SLC22A23: variants seen among roughly 807,000 people sequenced by gnomAD.
The protein encoded by SLC22A23 is solute carrier family 22 member 23.
SLC22A23 carries 26 observed loss-of-function variants against 61.0 expected under a neutral mutation model. That is an observed-to-expected ratio of 0.43 (90% CI 0.31 to 0.59). The LOEUF (loss-of-function observed/expected upper bound fraction) is 0.59. Among genes scored for constraint, SLC22A23 ranks in the 20% least tolerant of loss-of-function variants. The pLI, the probability that SLC22A23 is intolerant of heterozygous loss-of-function variation, is 0.11. For synonymous variants in SLC22A23, 430 were observed against 413.9 expected (o/e 1.04, Z -0.47); for missense variants, 796 against 934.7 (o/e 0.85, Z 1.94).
intron 4 of SLC22A23, chr6:3,303,277 A>C (rs184608725): frequency 5.6e-4 from 85 of 152,350 alleles, no homozygotes; most frequent in African/African-American, 2.0e-3. Context: ...TAGTACATCA[A>C]CTATGGAGAA....
In SLC22A23 at chr6:3,273,120, C is replaced by G; in HGVS notation, c.1996G>C (p.Asp666His). ...AELKDYSGLH[D>H]AAAAGDTLPE... ...AGTGTGTCACCCGCGGCTGCGGCAT[C>G]GTGGAGGCCCGAGTAGTCCTTGAGC... Residue 666 changes from aspartate to histidine, a missense_variant, in exon 10 of 10, where the codon GAT becomes CAT. Physicochemically the swap from Asp to His is moderately conservative, Grantham distance 81. Transcript: ENST00000406686. 1 of 1,604,490 alleles carries G rather than the reference C, an allele frequency of 6.2e-7. No homozygotes were observed.
At chr6:3,295,981 A>T (rs570053120) in intron 5 of SLC22A23, among the ~76,000 whole-genome samples, 57 of 152,366 alleles carry the variant, frequency 3.7e-4, no homozygotes, top group Non-Finnish European at 7.5e-4. Context: ...AAATTTTTAA[A>T]AAGGATCTAA....
At chr6:3,326,746 C>T (rs984892059) in intron 3 of SLC22A23, among the ~76,000 whole-genome samples, 2 of 152,152 alleles carry the variant, frequency 1.3e-5, no homozygotes, top group Admixed American at 6.5e-5. Flanking sequence ...CTTTTTTTGT[C>T]TTGACTCACC....
chr6:3,275,632 G>C (rs548479811), intron 9 of SLC22A23, among the ~76,000 whole-genome samples: 3 of 152,334 alleles, frequency 2.0e-5, no homozygotes, highest in South Asian at 2.1e-4. Flanking sequence ...GCACAGGCTG[G>C]AGTGTAGTGG....
At chr6:3,275,331 C>G (rs546078517) in intron 9 of SLC22A23, among the ~76,000 whole-genome samples, 1 of 152,138 alleles carries the variant, frequency 6.6e-6, no homozygotes, top group African/African-American at 2.4e-5. Context: ...ATAATAAAAT[C>G]TAAGTGCTTA....
intron 3 of SLC22A23, among the ~76,000 whole-genome samples, chr6:3,403,648 C>T (rs1377503644): frequency 6.6e-6 from 1 of 152,176 alleles, no homozygotes; most frequent in Non-Finnish European, 1.5e-5. Flanking sequence ...GAGACTGGCA[C>T]ATCTAGGGGG....
intron 3 of SLC22A23, among the ~76,000 whole-genome samples, chr6:3,355,172 C>T (rs1764994625): frequency 6.6e-6 from 1 of 151,354 alleles, no homozygotes; most frequent in South Asian, 2.1e-4. Context: ...TTGTGGCCGC[C>T]ACCCTCCCCA....
chr6:3,339,147 CA>C (rs1561908867), intron 3 of SLC22A23, among the ~76,000 whole-genome samples: 1 of 152,230 alleles, frequency 6.6e-6, no homozygotes, highest in Non-Finnish European at 1.5e-5. Flanking sequence ...AGCTGAAATC[CA>C]TGTCAGCCTC....
At chr6:3,348,196 G>A (rs561021964) in intron 3 of SLC22A23, among the ~76,000 whole-genome samples, 17 of 152,282 alleles carry the variant, frequency 1.1e-4, no homozygotes, top group Admixed American at 3.3e-4. Flanking sequence ...GTGCCTGCAC[G>A]TTCCACGATT....
At chr6:3,366,585 T>C (rs9392487) in intron 3 of SLC22A23, among the ~76,000 whole-genome samples, 46,774 of 152,038 alleles carry the variant, frequency 0.31, 7,894 homozygotes, top group East Asian at 0.52. Flanking sequence ...CAGTAGTATA[T>C]GCAAACTAAC....
chr6:3,388,834 T>G (rs1226761552), intron 3 of SLC22A23, among the ~76,000 whole-genome samples: 1 of 152,198 alleles, frequency 6.6e-6, no homozygotes, highest in Non-Finnish European at 1.5e-5. Flanking sequence ...AAATACCATC[T>G]GATGCTACTT....
chr6:3,400,357 G>A (rs755052763), intron 3 of SLC22A23, among the ~76,000 whole-genome samples: 1 of 152,184 alleles, frequency 6.6e-6, no homozygotes, highest in Non-Finnish European at 1.5e-5. Flanking sequence ...CTTGCTGCGA[G>A]CCCAGAGATT....
chr6:3,382,742 T>C (rs1429160335), intron 3 of SLC22A23, among the ~76,000 whole-genome samples: 1 of 152,224 alleles, frequency 6.6e-6, no homozygotes, highest in Non-Finnish European at 1.5e-5. Context: ...GCAAAAAACA[T>C]ATGGCCTGCA....
At chr6:3,382,540 C>G (rs1767020369) in intron 3 of SLC22A23, among the ~76,000 whole-genome samples, 1 of 152,220 alleles carries the variant, frequency 6.6e-6, no homozygotes, top group Non-Finnish European at 1.5e-5. Flanking sequence ...TTTCCCATCT[C>G]TGACCTAGTA....
At chr6:3,420,399 A>C (rs892078327) in intron 1 of SLC22A23, among the ~76,000 whole-genome samples, 17 of 152,202 alleles carry the variant, frequency 1.1e-4, no homozygotes, top group Non-Finnish European at 7.3e-5. Flanking sequence ...TCTAAAGAAG[A>C]TGGAAAATAA....
chr6:3,339,611 G>A (rs893994389), intron 3 of SLC22A23, among the ~76,000 whole-genome samples: 2 of 152,212 alleles, frequency 1.3e-5, no homozygotes, highest in African/African-American at 4.8e-5. Flanking sequence ...TAAAGGAGCC[G>A]GCCAAAACAC....
At position 3,385,123 on chromosome 6, in the gene SLC22A23, T is replaced by C. The variant is rs543631968; in HGVS notation, c.913+25065A>G. 4.6e-5 allele frequency among the ~76,000 whole-genome samples: 7 copies of C among 152,274 alleles called. 1 individual carries two copies. Among genetic ancestry groups the C allele is most frequent in the African/African-American group, 1.7e-4 (7 of 41,550 alleles). The stretch of plus-strand genomic sequence containing the variant: ...AATTTGTTGTTAAATGGGTGCACTT[T>C]CAGTTTGGGAAGATGAAAAGAGTTC... On this transcript the variant is annotated intron_variant, in intron 3 of 9. Transcript: ENST00000406686.
At chr6:3,355,880 G>GGC (rs1765042932) in intron 3 of SLC22A23, among the ~76,000 whole-genome samples, 1 of 148,556 alleles carries the variant, frequency 6.7e-6, no homozygotes, top group Non-Finnish European at 1.5e-5. Flanking sequence ...ATAACGCTGA[G>GGC]GTATTAAAAA....
At chr6:3,285,007 G>C in intron 8 of SLC22A23, 72 bp downstream of exon 8, 3 of 1,582,042 alleles carry the variant, frequency 1.9e-6, no homozygotes, top group East Asian at 2.3e-5. Context: ...ACAGGTCCGT[G>C]AGTCTTCGAG....
Sources: allele counts gnomAD v4.1 joint callset (sites outside exome capture counted in the v4.1 genomes callset), GRCh38; gene constraint gnomAD v4.1.1; transcripts MANE v1.5; gene names NCBI Gene and HGNC (gene_info 2026-07-23, HGNC 2026-07-21).